The following YY1 variants were observed in gnomAD, a reference collection of about 807,000 sequenced individuals.
The protein encoded by YY1 is transcriptional repressor protein YY1.
In YY1, 2 loss-of-function variants were observed where a neutral mutation model predicts 35.6. That is an observed-to-expected ratio of 0.06 (90% CI 0.02 to 0.18). YY1 has a LOEUF of 0.18. Among genes scored for constraint, YY1 ranks in the 10% least tolerant of loss-of-function variants. The pLI, the probability that YY1 is intolerant of heterozygous loss-of-function variation, is 1.00. For missense variants in YY1, 322 were observed against 573.4 expected (o/e 0.56, Z 4.48); for synonymous variants, 268 against 238.9 (o/e 1.12, Z -1.12).
intron 1 of YY1, among the ~76,000 whole-genome samples, chr14:100,241,729 G>C (rs2011794): frequency 0.66 from 100,438 of 152,086 alleles, 33,685 homozygotes; most frequent in South Asian, 0.8. Context: ...AATCCCAGCA[G>C]TTTGGGAGGC....
At chr14:100,259,334 C>T (rs1467208981) in intron 1 of YY1, among the ~76,000 whole-genome samples, 1 of 152,090 alleles carries the variant, frequency 6.6e-6, no homozygotes, top group African/African-American at 2.4e-5. Context: ...TCCTGGCCAA[C>T]GTGGTGAAAC....
intron 1 of YY1, among the ~76,000 whole-genome samples, chr14:100,255,040 A>C (rs1262601941): frequency 1.7e-5 from 2 of 120,836 alleles, no homozygotes; most frequent in East Asian, 5.2e-4. Flanking sequence ...CTCGTGATCC[A>C]CCCACCTTGG....
chr14:100,249,383 G>A (rs1192494438), intron 1 of YY1, among the ~76,000 whole-genome samples: 1 of 152,000 alleles, frequency 6.6e-6, no homozygotes, highest in East Asian at 1.9e-4. Flanking sequence ...AGCCTCCAAA[G>A]TTCTGGGATT....
chr14:100,276,960 G>T lies in YY1; in HGVS notation c.1062+312G>T. 1 of 442,202 alleles carries T rather than the reference G, an allele frequency of 2.3e-6. No homozygotes were observed. Among genetic ancestry groups the T allele is most frequent in the Non-Finnish European group, 4.1e-6 (1 of 241,406 alleles). 27.4% of individuals were successfully genotyped at this position (442,202 alleles called of 1,614,324 possible). A position where few individuals can be genotyped will look rare whatever the true frequency, so the allele number is the denominator to read the frequency against. ...CTACTTCATTCATTACAGGATTGAAGTAATTTATTTTTGGTAGTTAATAGT... is the reference window on the plus strand; with the variant it reads ...CTACTTCATTCATTACAGGATTGAATTAATTTATTTTTGGTAGTTAATAGT... On this transcript the variant is annotated intron_variant, in intron 4 of 4. Transcript: ENST00000262238. The surrounding 1 kb of genome is among the most constrained non-coding windows in gnomAD (Gnocchi z 4.1).
rs754518576 is a variant in YY1, at chr14:100,277,552, C to T, written c.1197C>T (p.Asn399=). The stretch of plus-strand genomic sequence containing the variant: ...ATAAGAAGTTTGCTCAGTCAACTAA[C>T]CTGAAATCTCACATCTTAACACATG... ...GCNKKFAQST[N]LKSHILTHAK... Residue 399 remains asparagine, a synonymous_variant, in exon 5 of 5, where the codon AAC becomes AAT. Coordinates refer to ENST00000262238, the MANE Select transcript of YY1 (RefSeq NM_003403.5). The surrounding 1 kb of genome is among the most constrained non-coding windows in gnomAD (Gnocchi z 5.6). 1.9e-6 allele frequency: 3 copies of T among 1,614,206 alleles called. No homozygotes were observed. Among genetic ancestry groups the T allele is most frequent in the Non-Finnish European group, 2.5e-6 (3 of 1,180,048 alleles).
chr14:100,247,276 C>T (rs1245593521), intron 1 of YY1, among the ~76,000 whole-genome samples: 1 of 152,154 alleles, frequency 6.6e-6, no homozygotes, highest in East Asian at 1.9e-4. Flanking sequence ...TTAGTATTTG[C>T]ATTCTTTTAT....
intron 1 of YY1, among the ~76,000 whole-genome samples, chr14:100,249,230 C>T (rs1890885492): frequency 6.7e-6 from 1 of 148,546 alleles, no homozygotes. Context: ...AAGCGATTCT[C>T]CTGCCTCAGC....
At chr14:100,273,765 CTA>C (rs1891280406) in intron 2 of YY1, among the ~76,000 whole-genome samples, 1 of 152,102 alleles carries the variant, frequency 6.6e-6, no homozygotes, top group African/African-American at 2.4e-5. Context: ...AATTTATTCT[CTA>C]GTTTTTTTAG....
intron 1 of YY1, 80 bp from the exon 2 acceptor site, chr14:100,262,224 A>T: frequency 6.7e-7 from 1 of 1,501,014 alleles, no homozygotes; most frequent in East Asian, 2.3e-5. Flanking sequence ...ACCCCATTTA[A>T]GAAGTTACTG....
Position 100,239,664 on chromosome 14 carries a change from C to T in YY1, c.420C>T (p.Gly140=), listed in dbSNP as rs754901114. 7 of 1,608,444 alleles carry T rather than the reference C, an allele frequency of 4.4e-6. No individual in the cohort carries two copies. The East Asian group carries it at 1.1e-4, about 26-fold the overall frequency. Residue 140 remains glycine (G), a synonymous_variant, in exon 1 of 5, where the codon GGC becomes GGT. Transcript: ENST00000262238. ...QILIPVPAPA[G]GDDDYIEQTL... ...TCATCCCGGTGCCCGCGCCGGCCGG[C>T]GGCGACGACGACTACATTGAACAAA...
Position 100,260,771 on chromosome 14 carries a change from CTTTTTTTTTTTTTTTTT to C in YY1, c.680-1510_680-1494del, listed in dbSNP as rs71113254. On this transcript the variant is annotated intron_variant, in intron 1 of 4. Coordinates refer to ENST00000262238, the MANE Select transcript of YY1 (RefSeq NM_003403.5). ...CAGGTGTGAGCCACCGTGCCTGGTC[CTTTTTTTTTTTTTTTTT>C]TTTTTTTTTTTTTTTTTTTTTTGGA... Among the ~76,000 whole-genome samples the C allele has an allele frequency of 1.1e-3, 47 of 42,568 alleles. 1 individual carries two copies. Among genetic ancestry groups the C allele is most frequent in the Admixed American group, 1.8e-3 (5 of 2,828 alleles). 27.9% of individuals were successfully genotyped at this position (42,568 alleles called of 152,430 possible). A position where few individuals can be genotyped will look rare whatever the true frequency, so the allele number is the denominator to read the frequency against.
chr14:100,264,572 C>T lies in YY1; in HGVS notation c.842+2106C>T, dbSNP rs140359579. ...TAAACTGGAACCAGATCATTAAGGG[C>T]GATGAATCCTAGGCCAGGCTGTGCA... On this transcript the variant is annotated intron_variant, in intron 2 of 4. Transcript: ENST00000262238. 9.0e-3 allele frequency among the ~76,000 whole-genome samples: 1,375 copies of T among 152,238 alleles called. 34 individuals carry two copies. Among genetic ancestry groups the T allele is most frequent in the Admixed American group, 0.039 (589 of 15,274 alleles).
chr14:100,244,861 T>G (rs1890808153), intron 1 of YY1, among the ~76,000 whole-genome samples: 1 of 152,030 alleles, frequency 6.6e-6, no homozygotes, highest in Non-Finnish European at 1.5e-5. Context: ...GCCTGACCTC[T>G]TTATTTTTTC....
rs200853697 is a variant in YY1, at chr14:100,251,071, GT to G, written c.679+11150del. Among the ~76,000 whole-genome samples the G allele has an allele frequency of 8.6e-3, 1,307 of 152,266 alleles. 16 individuals carry two copies. Among genetic ancestry groups the G allele is most frequent in the African/African-American group, 0.03 (1,246 of 41,546 alleles). ...AACATATTGACTAACTGGTTGACTG[GT>G]TGACTGAATAATGACTCCCAATATA... On this transcript the variant is annotated intron_variant, in intron 1 of 4. Coordinates refer to ENST00000262238, the MANE Select transcript of YY1 (RefSeq NM_003403.5).
intron 1 of YY1, among the ~76,000 whole-genome samples, chr14:100,247,400 G>C (rs1890849869): frequency 7.7e-6 from 1 of 129,782 alleles, no homozygotes; most frequent in Non-Finnish European, 1.6e-5. Context: ...TTTTTTTTTC[G>C]AGACAGGGTC....
At chr14:100,265,808 C>A (rs1891145963) in intron 2 of YY1, among the ~76,000 whole-genome samples, 1 of 151,970 alleles carries the variant, frequency 6.6e-6, no homozygotes, top group Non-Finnish European at 1.5e-5. Context: ...GCCACCGTAC[C>A]CGGCTAATTT....
chr14:100,268,532 A>G (rs1379947409), intron 2 of YY1, among the ~76,000 whole-genome samples: 2 of 152,194 alleles, frequency 1.3e-5, no homozygotes, highest in Non-Finnish European at 2.9e-5. Flanking sequence ...TGGTTAGGCC[A>G]ATCCCAAATG....
Position 100,239,410 on chromosome 14 carries a change from G to A in YY1, c.166G>A (p.Gly56Ser), listed in dbSNP as rs1320953843. Reference protein sequence around the residue: ...EEDDDDEDGGGGDHGGGGGHG... With the variant: ...EEDDDDEDGGSGDHGGGGGHG... ...GGACGACGACGACGAGGACGGCGGC[G>A]GTGGCGACCACGGCGGCGGGGGCGG... The change falls in exon 1 of 5, where the codon GGT becomes AGT. Residue 56 changes from glycine (G) to serine (S), a missense_variant. Gly to Ser is a moderately conservative substitution (Grantham distance 56). This residue lies in a region of YY1 where 137 missense variants were observed against 167.0 expected (regional missense o/e 0.82). Transcript: ENST00000262238. 5 of 1,596,930 alleles carry A rather than the reference G, an allele frequency of 3.1e-6. No homozygotes were observed. Among genetic ancestry groups the A allele is most frequent in the East Asian group, 2.3e-5 (1 of 44,012 alleles).
chr14:100,242,705 G>A (rs189255651), intron 1 of YY1, among the ~76,000 whole-genome samples: 87 of 151,956 alleles, frequency 5.7e-4, no homozygotes, highest in South Asian at 1.7e-3. Flanking sequence ...TGCTTTTAAG[G>A]TGGCACAGTT....
Sources: allele counts gnomAD v4.1 joint callset (sites outside exome capture counted in the v4.1 genomes callset), GRCh38; gene constraint gnomAD v4.1.1; regional missense constraint gnomAD v4.1.1; non-coding constraint Gnocchi (gnomAD v3.1); transcripts MANE v1.5; gene names NCBI Gene and HGNC (gene_info 2026-07-23, HGNC 2026-07-21).